The following SAMD8 variants were observed in gnomAD, a reference collection of about 807,000 sequenced individuals.
SAMD8 encodes the protein sphingomyelin synthase-related protein 1.
SAMD8 carries 20 observed loss-of-function variants against 42.0 expected under a neutral mutation model. The ratio of observed to expected loss-of-function variants is 0.48; its 90% CI spans 0.34 to 0.69. The LOEUF (loss-of-function observed/expected upper bound fraction) is 0.69, where lower values mean the gene tolerates loss of function less well. SAMD8 is among the 30% of genes least tolerant of loss of function. The pLI, the probability that SAMD8 is intolerant of heterozygous loss-of-function variation, is 0.01. For missense variants in SAMD8, 328 were observed against 511.6 expected (o/e 0.64, Z 3.46); for synonymous variants, 162 against 173.0 (o/e 0.94, Z 0.50).
At chr10:75,160,022 A>G (rs1256327879) in intron 2 of SAMD8, among the ~76,000 whole-genome samples, 3 of 146,002 alleles carry the variant, frequency 2.1e-5, no homozygotes, top group African/African-American at 7.9e-5. Context: ...GTGAGAGCTG[A>G]TAACCATAAT....
intron 1 of SAMD8, among the ~76,000 whole-genome samples, chr10:75,134,467 T>A (rs981059042): frequency 6.6e-6 from 1 of 152,058 alleles, no homozygotes; most frequent in African/African-American, 2.4e-5. Context: ...AAACCCCATC[T>A]CTACTAAAAA....
Position 75,176,192 on chromosome 10 carries a change from A to G in SAMD8, c.919A>G (p.Met307Val). 3 of 1,614,186 alleles carry G rather than the reference A, an allele frequency of 1.9e-6. No individual in the cohort carries two copies. Among genetic ancestry groups the G allele is most frequent in the Non-Finnish European group, 2.5e-6 (3 of 1,180,032 alleles). Residue 307 changes from methionine to valine, a missense_variant, in exon 5 of 6, where the codon ATG becomes GTG. By Grantham distance (21) the Met-to-Val change is conservative. Coordinates refer to ENST00000542569, the MANE Select transcript of SAMD8 (RefSeq NM_001174156.2). This position sits in a 1 kb window ranked among gnomAD's most constrained non-coding sequence, Gnocchi z 4.3. Reference protein sequence around the residue: ...MFSGHTVVLTMLNFFVTEYTP... With the variant: ...MFSGHTVVLTVLNFFVTEYTP... ...TAGTGGCCACACAGTCGTCCTAACTATGCTGAATTTCTTTGTCACCGAATG... is the reference window on the plus strand; with the variant it reads ...TAGTGGCCACACAGTCGTCCTAACTGTGCTGAATTTCTTTGTCACCGAATG...
rs1284425196 is a variant in SAMD8, at chr10:75,176,053, C to A, written c.793-13C>A. On this transcript the variant is annotated splice_polypyrimidine_tract_variant and intron_variant, in intron 4 of 5. Coordinates refer to ENST00000542569, the MANE Select transcript of SAMD8 (RefSeq NM_001174156.2). The surrounding 1 kb of genome is among the most constrained non-coding windows in gnomAD (Gnocchi z 4.3). ...AAGCATTTGAAGCACTAATTCATAA[C>A]TTTTCTTCATAGATATATGGCAGTG... 6.2e-7 allele frequency: 1 copy of A among 1,606,444 alleles called. No homozygotes were observed. The highest frequency in any genetic ancestry group is 2.2e-5 in the East Asian group (1 of 44,766).
intron 1 of SAMD8, among the ~76,000 whole-genome samples, chr10:75,122,409 C>T (rs868280756): frequency 6.6e-6 from 1 of 151,672 alleles, no homozygotes; most frequent in South Asian, 2.1e-4. Flanking sequence ...GTCAGGCATT[C>T]GAGACCAGCT....
At chr10:75,101,916 T>A (rs1162760334) in intron 1 of SAMD8, 1 of 1,367,728 alleles carries the variant, frequency 7.3e-7, no homozygotes, top group Admixed American at 1.9e-5. Flanking sequence ...GGGCAGTTCG[T>A]GCTGCTGGCT....
upstream of SAMD8, among the ~76,000 whole-genome samples, chr10:75,107,698 T>G (rs908841468): frequency 6.6e-6 from 1 of 152,134 alleles, no homozygotes; most frequent in Non-Finnish European, 1.5e-5. Flanking sequence ...TGCCTCAGCC[T>G]CCAGAGTAGC....
At chr10:75,171,852 C>T (rs185089045) in intron 4 of SAMD8, among the ~76,000 whole-genome samples, 1 of 152,132 alleles carries the variant, frequency 6.6e-6, no homozygotes, top group African/African-American at 2.4e-5. Context: ...TGATGAAACC[C>T]CATCTCTACT....
At chr10:75,139,888 C>T (rs1464072634) in intron 1 of SAMD8, among the ~76,000 whole-genome samples, 1 of 152,084 alleles carries the variant, frequency 6.6e-6, no homozygotes, top group Non-Finnish European at 1.5e-5. Context: ...TTTACCTAAC[C>T]CAGGTCAGAA....
intron 1 of SAMD8, among the ~76,000 whole-genome samples, chr10:75,102,155 G>C (rs1848203717): frequency 6.6e-6 from 1 of 152,248 alleles, no homozygotes; most frequent in African/African-American, 2.4e-5. Flanking sequence ...AGGTCTGACT[G>C]TGGCATATTG....
intron 4 of SAMD8, among the ~76,000 whole-genome samples, chr10:75,171,383 G>A (rs1840862659): frequency 6.6e-6 from 1 of 150,512 alleles, no homozygotes; most frequent in Non-Finnish European, 1.5e-5. Flanking sequence ...TAGCCAGGAT[G>A]GTCTCGATCT....
intron 2 of SAMD8, among the ~76,000 whole-genome samples, chr10:75,157,917 T>C (rs943829197): frequency 5.3e-5 from 8 of 152,108 alleles, no homozygotes; most frequent in African/African-American, 1.9e-4. Flanking sequence ...CCCAGCACTT[T>C]GGGAGGCTGA....
rs532522845 is a variant in SAMD8, at chr10:75,181,670, C to T, written c.*4978C>T. The T allele has an allele frequency of 1.3e-5, 2 of 152,228 alleles. No individual in the cohort carries two copies. Among genetic ancestry groups the T allele is most frequent in the African/African-American group, 4.8e-5 (2 of 41,544 alleles). The allele number at this position is 152,228 out of a possible 1,614,324, so 9.4% of individuals were successfully genotyped here. On this transcript the variant is annotated 3_prime_UTR_variant, in exon 6 of 6. Transcript: ENST00000542569. ...GAACACTATGGTAATTTCATTGTTA[C>T]TTCAGGTCTCTTTCAATCTGAAGAA...
intron 1 of SAMD8, among the ~76,000 whole-genome samples, chr10:75,118,219 A>T (rs942351763): frequency 6.6e-6 from 1 of 152,234 alleles, no homozygotes; most frequent in Non-Finnish European, 1.5e-5. Context: ...AGTGGGACAT[A>T]ACAAAACAGA....
upstream of SAMD8, chr10:75,109,244 C>G (rs1848706095): frequency 2.1e-6 from 3 of 1,429,856 alleles, no homozygotes; most frequent in Non-Finnish European, 2.8e-6. Flanking sequence ...TTGACAGGGA[C>G]AGGTGACAGA....
chr10:75,126,273 T>G (rs1849130680), intron 1 of SAMD8, among the ~76,000 whole-genome samples: 1 of 152,184 alleles, frequency 6.6e-6, no homozygotes, highest in Non-Finnish European at 1.5e-5. Flanking sequence ...AACTTTCCAA[T>G]TTTTAGCAAA....
intron 1 of SAMD8, among the ~76,000 whole-genome samples, chr10:75,149,038 C>T (rs191635307): frequency 1.6e-3 from 237 of 149,428 alleles, no homozygotes; most frequent in African/African-American, 5.1e-3. Flanking sequence ...CATAGGTGTT[C>T]GTTGTATCAT....
rs142892200 is a variant in SAMD8 at position 75,122,316 on chromosome 10, T to C, written c.-16+10594T>C. Among the ~76,000 whole-genome samples the C allele has an allele frequency of 4.3e-3, 654 of 152,220 alleles. 13 individuals carry two copies. Among genetic ancestry groups the C allele is most frequent in the East Asian group, 0.033 (173 of 5,186 alleles). ...TTTTAAAATTTTCTCAGTTTTTATTTTGAAATAATTATAGGCTGGGCGCAG... is the reference window on the plus strand; with the variant it reads ...TTTTAAAATTTTCTCAGTTTTTATTCTGAAATAATTATAGGCTGGGCGCAG... On this transcript the variant is annotated intron_variant, in intron 1 of 5. Transcript: ENST00000542569.
chr10:75,137,583 C>T (rs1839920208), intron 1 of SAMD8, among the ~76,000 whole-genome samples: 1 of 151,328 alleles, frequency 6.6e-6, no homozygotes, highest in African/African-American at 2.4e-5. Context: ...CACTACAACA[C>T]AGATGAACCT....
At chr10:75,116,833 CAG>C (rs1194135021) in intron 1 of SAMD8, among the ~76,000 whole-genome samples, 1 of 152,002 alleles carries the variant, frequency 6.6e-6, no homozygotes, top group Non-Finnish European at 1.5e-5. Context: ...TATTTAGAGA[CAG>C]AGTCTCACTT....
Sources: gnomAD v4.1 joint callset for allele counts (sites outside exome capture counted in the v4.1 genomes callset) on GRCh38, gnomAD v4.1.1 for gene constraint, Gnocchi (gnomAD v3.1) non-coding constraint, MANE v1.5 for transcripts, NCBI Gene and HGNC (gene_info 2026-07-23, HGNC 2026-07-21) for gene names.